Variants in GABRA2 observed in about 807,000 individuals in gnomAD.
GABRA2 encodes gamma-aminobutyric acid receptor subunit alpha-2.
Under a neutral mutation model 48.7 loss-of-function variants are expected in GABRA2, and 16 were observed. The ratio of observed to expected loss-of-function variants is 0.33; its 90% CI spans 0.22 to 0.50. The LOEUF is 0.50. Ranked by LOEUF, GABRA2 falls within the 20% of genes least tolerant of loss-of-function variation. The pLI is 0.98. For synonymous variants in GABRA2, 185 were observed against 184.5 expected (o/e 1.00, Z -0.02); for missense variants, 275 against 535.6 (o/e 0.51, Z 4.80).
chr4:46,332,090 T>G (rs1411696100), intron 4 of GABRA2, among the ~76,000 whole-genome samples: 1 of 152,116 alleles, frequency 6.6e-6, no homozygotes. Flanking sequence ...ACATTCTAAT[T>G]TTTTTAGGTT....
chr4:46,380,937 A>T (rs1716674687), intron 3 of GABRA2, among the ~76,000 whole-genome samples: 1 of 152,200 alleles, frequency 6.6e-6, no homozygotes, highest in Non-Finnish European at 1.5e-5. Flanking sequence ...TCAGACTCTA[A>T]GTCTGTGTTC....
intron 8 of GABRA2, among the ~76,000 whole-genome samples, chr4:46,290,479 T>C (rs1723424563): frequency 6.6e-6 from 1 of 152,126 alleles, no homozygotes; most frequent in African/African-American, 2.4e-5. Context: ...GGACAAGTCT[T>C]TCACCTTTTT....
chr4:46,320,252 T>C (rs1479266900), intron 4 of GABRA2, among the ~76,000 whole-genome samples: 1 of 151,814 alleles, frequency 6.6e-6, no homozygotes, highest in Non-Finnish European at 1.5e-5. Context: ...TAGAATTAAA[T>C]TGGACATCTA....
At chr4:46,262,955 A>AG (rs1717323128) in intron 8 of GABRA2, among the ~76,000 whole-genome samples, 1 of 25,740 alleles carries the variant, frequency 3.9e-5, no homozygotes, top group Non-Finnish European at 7.1e-5. Flanking sequence ...AGAAAGAAAG[A>AG]AAGAGAGAGA....
intron 9 of GABRA2, chr4:46,261,538 T>C (rs928338284): frequency 3.8e-6 from 1 of 266,514 alleles, no homozygotes; most frequent in Non-Finnish European, 7.2e-6. Context: ...TAGATCGGAG[T>C]TCAAGTATAC....
intron 8 of GABRA2, among the ~76,000 whole-genome samples, chr4:46,294,688 A>C (rs1214449520): frequency 6.6e-6 from 1 of 152,136 alleles, no homozygotes; most frequent in Non-Finnish European, 1.5e-5. Context: ...GGTGAACCCC[A>C]ATGGACATCT....
chr4:46,289,795 T>C (rs1322186613), intron 8 of GABRA2, among the ~76,000 whole-genome samples: 2 of 152,230 alleles, frequency 1.3e-5, no homozygotes. Context: ...TATGTGTCTG[T>C]TCGTATGCCA....
chr4:46,261,160 G>A (rs1716893601), intron 9 of GABRA2: 1 of 152,028 alleles, frequency 6.6e-6, no homozygotes, highest in Admixed American at 6.6e-5. Context: ...GGAAACAGCT[G>A]TTATATCAAT....
intron 3 of GABRA2, among the ~76,000 whole-genome samples, chr4:46,344,594 G>A (rs1376819347): frequency 2.0e-5 from 3 of 151,780 alleles, no homozygotes; most frequent in Admixed American, 6.6e-5. Flanking sequence ...AAAGACTGAG[G>A]TTGAAAGGGA....
chr4:46,370,311 A>T (rs1714688529), intron 3 of GABRA2, among the ~76,000 whole-genome samples: 1 of 152,120 alleles, frequency 6.6e-6, no homozygotes, highest in Non-Finnish European at 1.5e-5. Context: ...AAAGTATAGA[A>T]CATTGGAATA....
At chr4:46,266,517 T>C (rs1471818957) in intron 8 of GABRA2, among the ~76,000 whole-genome samples, 13 of 151,050 alleles carry the variant, frequency 8.6e-5, no homozygotes, top group Admixed American at 8.6e-4. Flanking sequence ...CCCTTTTATA[T>C]GAGGTGTTAC....
intron 3 of GABRA2, among the ~76,000 whole-genome samples, chr4:46,333,042 A>C (rs1036239569): frequency 3.9e-5 from 6 of 152,136 alleles, no homozygotes; most frequent in Admixed American, 6.6e-5. Flanking sequence ...GTATTGTTTG[A>C]TATAATCCTA....
At chr4:46,287,049 A>T (rs570900337) in intron 8 of GABRA2, among the ~76,000 whole-genome samples, 1 of 151,974 alleles carries the variant, frequency 6.6e-6, no homozygotes, top group South Asian at 2.1e-4. Context: ...ATTTATCCTT[A>T]TTTTTTTCCT....
At chr4:46,265,979 T>C (rs551497583) in intron 8 of GABRA2, among the ~76,000 whole-genome samples, 54 of 152,008 alleles carry the variant, frequency 3.6e-4, no homozygotes, top group Non-Finnish European at 6.3e-4. Context: ...ATTTTCCAAA[T>C]TGTCTTTTTT....
chr4:46,389,274 TAAC>T, intron 1 of GABRA2: 1 of 985,412 alleles, frequency 1.0e-6, no homozygotes, highest in Non-Finnish European at 1.2e-6. Context: ...TCACTCCCCT[TAAC>T]AAAATAAAAT....
chr4:46,275,893 T>G (rs146004441), intron 8 of GABRA2, among the ~76,000 whole-genome samples: 2 of 152,252 alleles, frequency 1.3e-5, no homozygotes, highest in African/African-American at 4.8e-5. Flanking sequence ...AAATAAAGGA[T>G]AGCTTTTATT....
chr4:46,283,421 T>A (rs1285313593), intron 8 of GABRA2, among the ~76,000 whole-genome samples: 1 of 152,190 alleles, frequency 6.6e-6, no homozygotes, highest in Non-Finnish European at 1.5e-5. Context: ...CTGATGCCCA[T>A]GGTGCTGCCG....
intron 3 of GABRA2, chr4:46,367,147 C>A (rs950017974): frequency 6.6e-6 from 1 of 152,038 alleles, no homozygotes; most frequent in African/African-American, 2.4e-5. Flanking sequence ...CCAATTTAAC[C>A]CATCTATCAA....
chr4:46,381,120 T>C (rs1388571414), intron 3 of GABRA2, among the ~76,000 whole-genome samples: 2 of 152,208 alleles, frequency 1.3e-5, no homozygotes, highest in Middle Eastern at 3.2e-3. Flanking sequence ...GCTGAATCTA[T>C]AATTTAGATT....
Sources: gnomAD v4.1 joint callset for allele counts (sites outside exome capture counted in the v4.1 genomes callset) on GRCh38, gnomAD v4.1.1 for gene constraint, MANE v1.5 for transcripts, NCBI Gene and HGNC (gene_info 2026-07-23, HGNC 2026-07-21) for gene names.